Variants in EHMT1 observed in about 807,000 individuals in gnomAD.
EHMT1 encodes histone-lysine N-methyltransferase EHMT1.
Under a neutral mutation model 147.2 loss-of-function variants are expected in EHMT1, and 15 were observed. That is an observed-to-expected ratio of 0.10 (90% confidence interval 0.07 to 0.16). The LOEUF is 0.16. EHMT1 is among the 10% of genes least tolerant of loss of function. The probability of loss-of-function intolerance (pLI) is 1.00; values close to 1 mark genes in which losing one functional copy is unlikely to be tolerated. For synonymous variants in EHMT1, 795 were observed against 709.6 expected (o/e 1.12, Z -1.91); for missense variants, 1,587 against 1,772.4 (o/e 0.90, Z 1.88).
chr9:137,649,458 T>A (rs1433472104), intron 1 of EHMT1, among the ~76,000 whole-genome samples: 1 of 149,984 alleles, frequency 6.7e-6, no homozygotes. Flanking sequence ...AGACTCCGAC[T>A]CAAACAAACA....
Position 137,692,267 on chromosome 9 carries a change from CTTTTTTTTTTTT to C in EHMT1, c.22-18696_22-18685del, listed in dbSNP as rs11398600. Among the ~76,000 whole-genome samples the C allele has an allele frequency of 1.4e-4, 17 of 118,394 alleles. No individual in the cohort carries two copies. The East Asian group carries it at 3.6e-3, about 25-fold the overall frequency. 77.7% of individuals were successfully genotyped at this position (118,394 alleles called of 152,430 possible). A position where few individuals can be genotyped will look rare whatever the true frequency, so the allele number is the denominator to read the frequency against. On this transcript the variant is annotated intron_variant, in intron 1 of 26. Transcript: ENST00000460843. ...TTTTCTTTTCTTTCTTTCTTTCTTT[CTTTTTTTTTTTT>C]TTTGAGACAGAGCCTCACTCTGTTG...
At chr9:137,794,730 AT>A in intron 16 of EHMT1, among the ~76,000 whole-genome samples, 1 of 152,166 alleles carries the variant, frequency 6.6e-6, no homozygotes, top group South Asian at 2.1e-4. Context: ...CTGACTTCTC[AT>A]TTGAAACCAG....
At chr9:137,824,789 T>G (rs185418150) in intron 25 of EHMT1, among the ~76,000 whole-genome samples, 1 of 152,360 alleles carries the variant, frequency 6.6e-6, no homozygotes, top group East Asian at 1.9e-4. Flanking sequence ...TCCAGTTGTT[T>G]GTTGGAAATA....
chr9:137,802,878 G>A (rs1401686482), intron 18 of EHMT1: 8 of 1,232,110 alleles, frequency 6.5e-6, no homozygotes, highest in Non-Finnish European at 8.1e-6. Context: ...CATGAAGAGA[G>A]GAGCCCTGAG....
chr9:137,777,063 G>GTTT, intron 12 of EHMT1: 1 of 542,770 alleles, frequency 1.8e-6, no homozygotes, highest in Non-Finnish European at 3.3e-6. Context: ...CCATTTGCCT[G>GTTT]TTTTGAACCG....
At chr9:137,660,396 T>C (rs949786869) in intron 1 of EHMT1, among the ~76,000 whole-genome samples, 6 of 152,166 alleles carry the variant, frequency 3.9e-5, no homozygotes, top group Non-Finnish European at 8.8e-5. Context: ...CTTTAGGTAT[T>C]GAGCAAGCCC....
At chr9:137,705,373 TAAG>T (rs1426359061) in intron 1 of EHMT1, among the ~76,000 whole-genome samples, 6 of 152,210 alleles carry the variant, frequency 3.9e-5, no homozygotes, top group Non-Finnish European at 5.9e-5. Flanking sequence ...GTACTGAGGA[TAAG>T]AAGAACTTCC....
chr9:137,753,276 G>A (rs1035658708), intron 7 of EHMT1, among the ~76,000 whole-genome samples: 16 of 152,198 alleles, frequency 1.1e-4, no homozygotes, highest in African/African-American at 3.9e-4. Flanking sequence ...GGGCCGAGCA[G>A]CGAGTGGGAG....
intron 1 of EHMT1, among the ~76,000 whole-genome samples, chr9:137,647,657 C>T (rs1844999331): frequency 6.8e-6 from 1 of 147,670 alleles, no homozygotes; most frequent in Non-Finnish European, 1.5e-5. Context: ...TGCAGTGGTG[C>T]AATCTTGGCT....
intron 1 of EHMT1, among the ~76,000 whole-genome samples, chr9:137,699,239 T>C (rs1201095882): frequency 1.3e-5 from 2 of 152,242 alleles, no homozygotes; most frequent in Non-Finnish European, 2.9e-5. Flanking sequence ...TAACATCTAA[T>C]GTAGTAAAGT....
chr9:137,770,860 G>A (rs957577034), intron 10 of EHMT1, among the ~76,000 whole-genome samples: 8 of 152,226 alleles, frequency 5.3e-5, no homozygotes, highest in Non-Finnish European at 1.0e-4. Context: ...ACTCACAGCT[G>A]CCTGGATTGC....
chr9:137,834,633 C>T (rs1956474214), intron 26 of EHMT1, 109 bp downstream of exon 26: 1 of 1,594,174 alleles, frequency 6.3e-7, no homozygotes, highest in Non-Finnish European at 8.5e-7. Context: ...TAGTGGTTTT[C>T]CTGTAGTTCT....
intron 1 of EHMT1, among the ~76,000 whole-genome samples, chr9:137,663,134 C>T (rs1939264949): frequency 6.6e-6 from 1 of 152,148 alleles, no homozygotes; most frequent in Admixed American, 6.6e-5. Context: ...TATAGATATC[C>T]ACTCATTTTA....
chr9:137,678,567 A>G (rs981167980), intron 1 of EHMT1, among the ~76,000 whole-genome samples: 7 of 152,092 alleles, frequency 4.6e-5, no homozygotes, highest in African/African-American at 1.7e-4. Context: ...CTCACCTGGG[A>G]TGATACCTTC....
At chr9:137,691,264 T>A (rs1942904136) in intron 1 of EHMT1, among the ~76,000 whole-genome samples, 1 of 151,530 alleles carries the variant, frequency 6.6e-6, no homozygotes, top group Non-Finnish European at 1.5e-5. Context: ...TTATAGGATG[T>A]GTCTGAATTT....
chr9:137,815,203 T>A (rs1588865528), intron 22 of EHMT1: 2 of 163,728 alleles, frequency 1.2e-5, no homozygotes, highest in Admixed American at 1.1e-4. Flanking sequence ...ACATGGAGGG[T>A]CAAGTGTTTA....
At chr9:137,619,339 G>C (rs1379232958) in intron 1 of EHMT1, among the ~76,000 whole-genome samples, 1 of 151,078 alleles carries the variant, frequency 6.6e-6, no homozygotes, top group Non-Finnish European at 1.5e-5. Flanking sequence ...GCGTACCTGT[G>C]CCCGCGCCCC....
intron 1 of EHMT1, among the ~76,000 whole-genome samples, chr9:137,683,866 C>T (rs890349006): frequency 6.6e-6 from 1 of 151,786 alleles, no homozygotes; most frequent in African/African-American, 2.4e-5. Context: ...TCCCTACCTA[C>T]CCCCTCACTC....
intron 1 of EHMT1, among the ~76,000 whole-genome samples, chr9:137,648,244 C>G (rs573656237): frequency 7.9e-5 from 12 of 152,196 alleles, no homozygotes; most frequent in African/African-American, 2.6e-4. Flanking sequence ...TAATCTTCAG[C>G]AATTAAATCT....
Sources: gnomAD v4.1 joint callset for allele counts (sites outside exome capture counted in the v4.1 genomes callset) on GRCh38, gnomAD v4.1.1 for gene constraint, MANE v1.5 for transcripts, NCBI Gene and HGNC (gene_info 2026-07-23, HGNC 2026-07-21) for gene names.